EIF4G2: variants seen among roughly 807,000 people sequenced by gnomAD.
The protein encoded by EIF4G2 is eukaryotic translation initiation factor 4 gamma 2.
Under a neutral mutation model 117.7 loss-of-function variants are expected in EIF4G2, and 8 were observed. That is an observed-to-expected ratio of 0.07 (90% CI 0.04 to 0.12). The LOEUF (loss-of-function observed/expected upper bound fraction) is 0.12, where lower values mean the gene tolerates loss of function less well. EIF4G2 is among the 10% of genes least tolerant of loss of function. The pLI is 1.00. For synonymous variants in EIF4G2, 413 were observed against 367.8 expected, an observed-to-expected ratio of 1.12 and a Z score of -1.41; for missense variants, 812 against 1,086.2, an observed-to-expected ratio of 0.75 and a Z score of 3.55.
intron 1 of EIF4G2, chr11:10,808,419 G>A (rs1210236667): frequency 2.4e-6 from 3 of 1,261,368 alleles, no homozygotes; most frequent in Non-Finnish European, 1.0e-6. Flanking sequence ...GAGCACAGCC[G>A]TGCCTCGGTC....
At chr11:10,805,444 C>T (rs1847539470) in intron 4 of EIF4G2, among the ~76,000 whole-genome samples, 1 of 143,900 alleles carries the variant, frequency 6.9e-6, no homozygotes, top group Admixed American at 7.5e-5. Context: ...TGCTGTTCTT[C>T]AGTTCAAGAT....
At chr11:10,801,214 GA>G (rs2135409303) in intron 14 of EIF4G2, 127 bp from the exon 15 acceptor site, 3 of 1,362,070 alleles carry the variant, frequency 2.2e-6, no homozygotes, top group South Asian at 2.9e-5. Context: ...AAAAACTAAA[GA>G]AGGTACTCCA....
Position 10,799,670 on chromosome 11 carries a change from C to T in EIF4G2, c.2206G>A (p.Glu736Lys), listed in dbSNP as rs760059489. The change falls in exon 19 of 22, where the codon GAA becomes AAA. Residue 736 changes from glutamate to lysine, a missense_variant. Physicochemically the swap from Glu to Lys is moderately conservative, Grantham distance 56. Transcript: ENST00000339995. ...TCCAACTTTATTTGCTTCAACAGTT[C>T]CTTCTCCAATTTGAGGAGTGGGAAT... 3 of 1,614,094 alleles carry T rather than the reference C, an allele frequency of 1.9e-6. No homozygotes were observed. Among genetic ancestry groups the T allele is most frequent in the Non-Finnish European group, 2.5e-6 (3 of 1,180,008 alleles).
In EIF4G2 at chr11:10,807,343, A is replaced by G. The variant is rs1847607205; in HGVS notation, c.-48T>C. 1.8e-6 allele frequency: 2 copies of G among 1,106,900 alleles called. No homozygotes were observed. Among genetic ancestry groups the G allele is most frequent in the Admixed American group, 1.9e-5 (1 of 53,582 alleles). The allele number at this position is 1,106,900 out of a possible 1,614,324, so 68.6% of individuals were successfully genotyped here. ...ATCTTCAAAAGAATAATATTAATAGATGGGGTGGGGAGGGGAGGGGACAGG... is the reference window on the plus strand; with the variant it reads ...ATCTTCAAAAGAATAATATTAATAGGTGGGGTGGGGAGGGGAGGGGACAGG... On this transcript the variant is annotated 5_prime_UTR_variant, in exon 2 of 22. Transcript: ENST00000339995.
At position 10,807,401 on chromosome 11, in the gene EIF4G2, C is replaced by A; in HGVS notation, c.-86-20G>T. The A allele has an allele frequency of 6.3e-7, 1 of 1,583,844 alleles. No homozygotes were observed. The highest frequency in any genetic ancestry group is 8.5e-7 in the Non-Finnish European group (1 of 1,172,382). On this transcript the variant is annotated intron_variant, in intron 1 of 21. Transcript: ENST00000339995. ...AAATACCTGGAACGAGAAAGAGCAC[C>A]AAAATTAGACACTGCTAACATACAG...
At chr11:10,804,095 T>C (rs1847495941) in intron 7 of EIF4G2, 42 bp downstream of exon 7, 1 of 1,612,468 alleles carries the variant, frequency 6.2e-7, no homozygotes, top group Non-Finnish European at 8.5e-7. Context: ...AGAATTAAGC[T>C]GAAAATATAC....
In EIF4G2 at chr11:10,803,726, T is replaced by C; in HGVS notation, c.703-136A>G. ...AGTATAGGGCTTTCTACCAGTCTGG[T>C]TGATCAGTTCTAACTCTACTTTGTC... On this transcript the variant is annotated intron_variant, in intron 8 of 21. Coordinates refer to ENST00000339995, the MANE Select transcript of EIF4G2 (RefSeq NM_001418.4). The surrounding 1 kb of genome is among the most constrained non-coding windows in gnomAD (Gnocchi z 4.0). 1.8e-6 allele frequency: 2 copies of C among 1,122,704 alleles called. No individual in the cohort carries two copies. Among genetic ancestry groups the C allele is most frequent in the Non-Finnish European group, 2.6e-6 (2 of 780,996 alleles). The allele number at this position is 1,122,704 out of a possible 1,614,324, so 69.5% of individuals were successfully genotyped here.
At position 10,802,179 on chromosome 11, in the gene EIF4G2, A is replaced by G. The variant is rs1590041633; in HGVS notation, c.1169T>C (p.Ile390Thr). ...CATGGTGGGTGAAAATCTATCCTGG[A>G]TAACTCCTGGACCAGTACCAATTCC... Residue 390 changes from isoleucine (I) to threonine (T), a missense_variant, in exon 13 of 22, where the codon ATC becomes ACC. Ile to Thr is a moderately conservative substitution (Grantham distance 89). This residue lies in a region of EIF4G2 where 571 missense variants were observed against 642.3 expected (regional missense o/e 0.89). Transcript: ENST00000339995. 1.9e-6 allele frequency: 3 copies of G among 1,614,230 alleles called. No individual in the cohort carries two copies. Among genetic ancestry groups the G allele is most frequent in the Non-Finnish European group, 2.5e-6 (3 of 1,180,046 alleles).
intron 4 of EIF4G2, among the ~76,000 whole-genome samples, chr11:10,805,247 A>C (rs186198224): frequency 1.2e-4 from 19 of 152,286 alleles, no homozygotes; most frequent in Non-Finnish European, 1.5e-4. Context: ...ATCCTTTCTC[A>C]CTTTCTCAAG....
At chr11:10,805,078 G>C in intron 4 of EIF4G2, 63 bp from the exon 5 acceptor site, 1 of 1,296,074 alleles carries the variant, frequency 7.7e-7, no homozygotes, top group Non-Finnish European at 1.1e-6. Flanking sequence ...TTGAAAAACT[G>C]CTTTTAAATT....
At position 10,800,943 on chromosome 11, in the gene EIF4G2, G is replaced by A. The variant is rs199667960; in HGVS notation, c.1539+19C>T. The A allele has an allele frequency of 6.7e-4, 1,085 of 1,613,908 alleles. No individual in the cohort carries two copies. Among genetic ancestry groups the A allele is most frequent in the Middle Eastern group, 2.6e-3 (16 of 6,060 alleles). On this transcript the variant is annotated intron_variant, in intron 15 of 21. Transcript: ENST00000339995. ...TCTTCAGATATCTTTAGAAAATGCT[G>A]TCCTACTATGGTCTGTACCTGTCCC...
rs200397703 is a variant in EIF4G2 at position 10,803,860 on chromosome 11, C to G, written c.702+39G>C. ...GAATAATTGACTCATTTCCTCCAAACGACTGACTACATTCGCCTAACTTCC... is the reference window on the plus strand; with the variant it reads ...GAATAATTGACTCATTTCCTCCAAAGGACTGACTACATTCGCCTAACTTCC... On this transcript the variant is annotated intron_variant, in intron 8 of 21. Transcript: ENST00000339995. The surrounding 1 kb of genome is among the most constrained non-coding windows in gnomAD (Gnocchi z 4.0). 19 of 1,588,376 alleles carry G rather than the reference C, an allele frequency of 1.2e-5. No homozygotes were observed. The highest frequency in any genetic ancestry group is 3.3e-4 in the Middle Eastern group (2 of 5,976).
intron 21 of EIF4G2, 139 bp downstream of exon 21, chr11:10,798,853 G>A (rs1263569801): frequency 4.1e-6 from 4 of 978,214 alleles, no homozygotes; most frequent in South Asian, 1.7e-5. Context: ...TTCAAATAGT[G>A]CAGAATGAAA....
rs1210174825 is a variant in EIF4G2 at position 10,805,966 on chromosome 11, T to C, written c.189A>G (p.Ala63=). The C allele has an allele frequency of 2.5e-6, 4 of 1,614,242 alleles. No homozygotes were observed. The highest frequency in any genetic ancestry group is 3.4e-6 in the Non-Finnish European group (4 of 1,180,034). ...CTTTTTCGTTTGCGGAGTTGTTTGC[T>C]GCGGAGTTGTCATCTCGTCTAGTGC... The change falls in exon 4 of 22, where the codon GCA becomes GCG. Residue 63 remains alanine, a synonymous_variant. Coordinates refer to ENST00000339995, the MANE Select transcript of EIF4G2 (RefSeq NM_001418.4).
chr11:10,801,348 C>A, intron 14 of EIF4G2: 1 of 618,406 alleles, frequency 1.6e-6, no homozygotes, highest in Non-Finnish European at 2.8e-6. Context: ...TAAAAAACTG[C>A]AAATTTAACT....
intron 2 of EIF4G2, 122 bp downstream of exon 2, chr11:10,807,133 T>C: frequency 1.4e-6 from 2 of 1,439,888 alleles, no homozygotes; most frequent in Non-Finnish European, 9.4e-7. Context: ...AGGCTGTCAA[T>C]GAAAACTTAA....
chr11:10,798,446 GC>G (rs1847324112), intron 21 of EIF4G2, among the ~76,000 whole-genome samples: 1 of 152,130 alleles, frequency 6.6e-6, no homozygotes, highest in Non-Finnish European at 1.5e-5. Flanking sequence ...AGACTAGAGT[GC>G]AGTGGTGTGA....
At chr11:10,800,898 A>C in intron 15 of EIF4G2, 63 bp from the exon 16 acceptor site, 1 of 1,612,032 alleles carries the variant, frequency 6.2e-7, no homozygotes, top group South Asian at 1.1e-5. Context: ...GGGGAAGAAC[A>C]CACTAAATTT....
At chr11:10,808,561 C>G in intron 1 of EIF4G2, 144 bp downstream of exon 1, 14 of 1,029,284 alleles carry the variant, frequency 1.4e-5, no homozygotes, top group Middle Eastern at 5.4e-4. Flanking sequence ...TTCCAGGTAT[C>G]TGAAGCGCAG....
Sources: gnomAD v4.1 joint callset for allele counts (sites outside exome capture counted in the v4.1 genomes callset) on GRCh38, gnomAD v4.1.1 for gene constraint, gnomAD v4.1.1 regional missense constraint, Gnocchi (gnomAD v3.1) non-coding constraint, MANE v1.5 for transcripts, NCBI Gene and HGNC (gene_info 2026-07-23, HGNC 2026-07-21) for gene names.